TRIM36: variants seen among roughly 807,000 people sequenced by gnomAD.
TRIM36 encodes E3 ubiquitin-protein ligase TRIM36.
Under a neutral mutation model 72.4 loss-of-function variants are expected in TRIM36, and 42 were observed. The ratio of observed to expected loss-of-function variants is 0.58; its 90% CI spans 0.45 to 0.75. TRIM36 has a LOEUF of 0.75. Among genes scored for constraint, TRIM36 ranks in the 30% least tolerant of loss-of-function variants. The pLI, the probability that TRIM36 is intolerant of heterozygous loss-of-function variation, is 0.00. For synonymous variants in TRIM36, 315 were observed against 282.8 expected (o/e 1.11, Z -1.14); for missense variants, 913 against 857.1 (o/e 1.07, Z -0.81).
At position 115,136,972 on chromosome 5, in the gene TRIM36, T is replaced by A. The variant is rs186606397; in HGVS notation, c.1210+28A>T. On this transcript the variant is annotated intron_variant, in intron 7 of 9. Transcript: ENST00000513154. ...ACAATACAAATTCAGACAAAAAGAA[T>A]GAGGTTTTTGCCTTCATTAAGACTT... The A allele has an allele frequency of 3.2e-3, 4,952 of 1,537,670 alleles. 14 individuals are homozygous for A. The highest frequency in any genetic ancestry group is 3.4e-3 in the Non-Finnish European group (3,931 of 1,145,260).
chr5:115,148,538 G>A (rs954403666), intron 2 of TRIM36, among the ~76,000 whole-genome samples: 2 of 148,400 alleles, frequency 1.3e-5, no homozygotes, highest in African/African-American at 5.0e-5. Flanking sequence ...AGCCTGCCAA[G>A]TAGCTGGGAT....
chr5:115,124,897 C>A lies in TRIM36; in HGVS notation c.*1606G>T, dbSNP rs887314981. On this transcript the variant is annotated 3_prime_UTR_variant, in exon 10 of 10. Transcript: ENST00000513154. ...AATGTCTACATCATATGTGCTTGTA[C>A]AAGGCTTGAGTATCAACCACAAATG... is the stretch of plus-strand genomic sequence containing the variant. The A allele has an allele frequency of 2.0e-5, 3 of 152,466 alleles. No individual in the cohort carries two copies. The highest frequency in any genetic ancestry group is 7.2e-5 in the African/African-American group (3 of 41,416). The allele number at this position is 152,466 out of a possible 1,614,324, so 9.4% of individuals were successfully genotyped here. A position where few individuals can be genotyped will look rare whatever the true frequency, so the allele number is the denominator to read the frequency against.
At chr5:115,171,096 A>G, upstream of TRIM36, 1 of 1,614,208 alleles carries the variant, frequency 6.2e-7, no homozygotes, top group Non-Finnish European at 8.5e-7. Context: ...GTAGCGAGAC[A>G]TCTCGTTTAG....
At chr5:115,128,093 G>GGGT (rs1161709258) in intron 9 of TRIM36, among the ~76,000 whole-genome samples, 1 of 150,140 alleles carries the variant, frequency 6.7e-6, no homozygotes, top group Non-Finnish European at 1.5e-5. Context: ...AAAAATTGGG[G>GGGT]GGGGCCAGGA....
rs181675881 is a variant in TRIM36, at chr5:115,147,839, C to T, written c.263-445G>A. On this transcript the variant is annotated intron_variant, in intron 2 of 9. Transcript: ENST00000513154. The stretch of plus-strand genomic sequence containing the variant: ...CATAAAAGAGCAGGGGTCCCTAGCA[C>T]AAAGCCCATGAAGAGGCCCAGGCAG... 9.9e-5 allele frequency among the ~76,000 whole-genome samples: 15 copies of T among 152,278 alleles called. No homozygotes were observed. In the East Asian group the frequency reaches 2.9e-3, roughly 29 times the overall value.
At position 115,134,016 on chromosome 5, in the gene TRIM36, C is replaced by T. The variant is rs762515983; in HGVS notation, c.1342G>A (p.Glu448Lys). 3 of 1,613,950 alleles carry T rather than the reference C, an allele frequency of 1.9e-6. No homozygotes were observed. The highest frequency in any genetic ancestry group is 2.2e-5 in the East Asian group (1 of 44,832). Reference protein sequence around the residue: ...LEYRKINRDDEMSWNEIEVCG... With the variant: ...LEYRKINRDDKMSWNEIEVCG... ...ACTTCTATCTCATTCCATGACATTT[C>T]ATCATCTCTATTGATTTTCCGATAT... is the stretch of plus-strand genomic sequence containing the variant. Residue 448 changes from glutamate to lysine, a missense_variant, in exon 8 of 10, where the codon GAA becomes AAA. Physicochemically the swap from Glu to Lys is moderately conservative, Grantham distance 56 (BLOSUM62 1). Coordinates refer to ENST00000513154, the MANE Select transcript of TRIM36 (RefSeq NM_001300759.2).
intron 2 of TRIM36, among the ~76,000 whole-genome samples, chr5:115,156,900 A>T (rs1162369184): frequency 6.6e-6 from 1 of 152,206 alleles, no homozygotes; most frequent in East Asian, 1.9e-4. Context: ...GTGGGAAAAA[A>T]TCTTCAAAAT....
Position 115,126,261 on chromosome 5 carries a change from T to G in TRIM36, c.*242A>C, listed in dbSNP as rs1362377132. 2.2e-5 allele frequency: 10 copies of G among 454,264 alleles called. No homozygotes were observed. Among genetic ancestry groups the G allele is most frequent in the Non-Finnish European group, 3.5e-5 (9 of 256,756 alleles). 28.1% of individuals were successfully genotyped at this position (454,264 alleles called of 1,614,324 possible). On this transcript the variant is annotated 3_prime_UTR_variant, in exon 10 of 10. Transcript: ENST00000513154. ...GTACATAAAGTAAAAGACAGTCCAG[T>G]TGCAAAGTTAACCACTTCAGTATTA...
intron 2 of TRIM36, among the ~76,000 whole-genome samples, chr5:115,156,198 C>T (rs761238261): frequency 9.2e-5 from 14 of 152,040 alleles, no homozygotes; most frequent in South Asian, 2.1e-4. Flanking sequence ...CCCATGCTCA[C>T]GGATAGGTAG....
At chr5:115,149,640 T>C (rs985964886) in intron 2 of TRIM36, 2 of 64,906 alleles carry the variant, frequency 3.1e-5, no homozygotes, top group African/African-American at 2.1e-4. Flanking sequence ...GTTTTTACAG[T>C]GTAAAAAAAA....
chr5:115,144,652 A>C lies in TRIM36; in HGVS notation c.681T>G (p.Gly227=), dbSNP rs13184565. The part of the protein sequence containing the change: ...RPVCHLCKLG[G]NHANHRVTTM... ...TGGTTACACGGTGGTTGGCATGATT[A>C]CCACCCAACTTACACAGATGGCAAA... is the stretch of plus-strand genomic sequence containing the variant. The change falls in exon 4 of 10, where the codon GGT becomes GGG. Residue 227 remains glycine (G), a synonymous_variant. Transcript: ENST00000513154. The C allele has an allele frequency of 1.2e-6, 2 of 1,614,160 alleles. No homozygotes were observed. The highest frequency in any genetic ancestry group is 1.7e-6 in the Non-Finnish European group (2 of 1,180,026).
At chr5:115,146,034 T>A (rs1753576471) in intron 3 of TRIM36, among the ~76,000 whole-genome samples, 1 of 152,210 alleles carries the variant, frequency 6.6e-6, no homozygotes, top group Non-Finnish European at 1.5e-5. Context: ...TTCTTTGGTG[T>A]TCTCTTATCA....
intron 4 of TRIM36, among the ~76,000 whole-genome samples, chr5:115,142,466 A>G (rs1753329509): frequency 6.6e-6 from 1 of 152,212 alleles, no homozygotes; most frequent in African/African-American, 2.4e-5. Flanking sequence ...TAGAACTACA[A>G]GATAGGAAAA....
At chr5:115,128,853 G>A (rs1262597088) in intron 9 of TRIM36, among the ~76,000 whole-genome samples, 1 of 150,146 alleles carries the variant, frequency 6.7e-6, no homozygotes, top group Non-Finnish European at 1.5e-5. Context: ...ATTTAGTGCA[G>A]CCTAAGTGTA....
intron 5 of TRIM36, among the ~76,000 whole-genome samples, chr5:115,137,916 A>C (rs1753050061): frequency 6.6e-6 from 1 of 152,192 alleles, no homozygotes; most frequent in Admixed American, 6.5e-5. Flanking sequence ...TTCATCTCCA[A>C]AGTCTGGCAA....
intron 1 of TRIM36, among the ~76,000 whole-genome samples, chr5:115,164,794 G>C (rs1227708466): frequency 2.6e-5 from 4 of 152,150 alleles, no homozygotes; most frequent in African/African-American, 9.7e-5. Context: ...TTCAGCATTA[G>C]CTCAAAAGTC....
At chr5:115,153,906 C>A (rs906382265) in intron 2 of TRIM36, 1 of 152,168 alleles carries the variant, frequency 6.6e-6, no homozygotes, top group Non-Finnish European at 1.5e-5. Context: ...ATGGAACTTT[C>A]TCCAAGACAG....
At position 115,134,138 on chromosome 5, in the gene TRIM36, A is replaced by G. The variant is rs1201228593; in HGVS notation, c.1220T>C (p.Val407Ala). 6.3e-7 allele frequency: 1 copy of G among 1,590,828 alleles called. No homozygotes were observed. The change falls in exon 8 of 10, where the codon GTG becomes GCG. Residue 407 changes from valine (V) to alanine (A), a missense_variant. Transcript: ENST00000513154. ...ELSFFSSGID[V>A]PEINEEQSKV... is the part of the protein sequence containing the mutation. ...GCTCTGTTCCTCATTGATCTCTGGC[A>G]CGTCTATGCCTGAAAGAATTATGAA...
chr5:115,153,288 A>G (rs963665801), intron 2 of TRIM36, among the ~76,000 whole-genome samples: 32 of 152,102 alleles, frequency 2.1e-4, no homozygotes, highest in African/African-American at 7.3e-4. Context: ...TAAAAAGACA[A>G]AGAAGGACAT....
Sources: allele counts gnomAD v4.1 joint callset (sites outside exome capture counted in the v4.1 genomes callset), GRCh38; gene constraint gnomAD v4.1.1; transcripts MANE v1.5; gene names NCBI Gene and HGNC (gene_info 2026-07-23, HGNC 2026-07-21).